The following RNF19B variants were observed in gnomAD, a reference collection of about 807,000 sequenced individuals.
RNF19B encodes the protein ring finger protein 19B.
A neutral mutation model predicts 65.5 loss-of-function variants in RNF19B; 23 were observed. The ratio of observed to expected loss-of-function variants is 0.35; its 90% confidence interval spans 0.25 to 0.50. The LOEUF (loss-of-function observed/expected upper bound fraction) is 0.50, where lower values mean the gene tolerates loss of function less well. RNF19B is among the 20% of genes least tolerant of loss of function. The probability of loss-of-function intolerance (pLI) is 0.98; values close to 1 mark genes in which losing one functional copy is unlikely to be tolerated. For missense variants in RNF19B, 794 were observed against 980.0 expected, an observed-to-expected ratio of 0.81 and a Z score of 2.53; for synonymous variants, 372 against 379.6, an observed-to-expected ratio of 0.98 and a Z score of 0.23.
chr1:32,936,881 ACTTGGGCTCGGTGCAC>A lies in RNF19B; in HGVS notation c.2105_2120del (p.Gly702ValfsTer4). On this transcript the variant is annotated frameshift_variant, in exon 9 of 9. Transcript: ENST00000235150. LOFTEE classifies it high-confidence loss of function. ...CTAGGGCAGAGAGGTTCATATGGGCACTTGGGCTCGGTGCACCTTGGGCTCTGGGGGTCGAGGGGCA... is the reference window on the plus strand; with the variant it reads ...CTAGGGCAGAGAGGTTCATATGGGCACTTGGGCTCTGGGGGTCGAGGGGCA... 6.2e-7 allele frequency: 1 copy of A among 1,613,120 alleles called. No individual in the cohort carries two copies. The highest frequency in any genetic ancestry group is 2.2e-5 in the East Asian group (1 of 44,832).
chr1:32,941,346 C>T (rs1365677832), intron 7 of RNF19B, among the ~76,000 whole-genome samples: 2 of 152,004 alleles, frequency 1.3e-5, no homozygotes, highest in Non-Finnish European at 2.9e-5. Context: ...AGCTTGAGAC[C>T]AGCCTGGCCA....
At chr1:32,938,760 T>G (rs1011704756) in intron 7 of RNF19B, among the ~76,000 whole-genome samples, 4 of 152,172 alleles carry the variant, frequency 2.6e-5, no homozygotes, top group African/African-American at 9.7e-5. Context: ...CAGGTTTTCA[T>G]CATCTCCTGC....
chr1:32,957,389 TATC>T (rs1642664390), intron 1 of RNF19B, among the ~76,000 whole-genome samples: 2 of 152,350 alleles, frequency 1.3e-5, no homozygotes, highest in Admixed American at 1.3e-4. Flanking sequence ...CTTTAGTATT[TATC>T]ATATGACATT....
At chr1:32,961,201 A>C (rs963142707) in intron 1 of RNF19B, among the ~76,000 whole-genome samples, 1 of 152,204 alleles carries the variant, frequency 6.6e-6, no homozygotes, top group African/African-American at 2.4e-5. Context: ...AGATAAGAAA[A>C]ATAACGTAGG....
At chr1:32,962,887 A>G (rs1223375326) in intron 1 of RNF19B, among the ~76,000 whole-genome samples, 1 of 152,208 alleles carries the variant, frequency 6.6e-6, no homozygotes, top group East Asian at 1.9e-4. Context: ...AGTAACAATT[A>G]GACTTCTAAA....
chr1:32,949,444 A>G (rs1428253888), intron 2 of RNF19B, 125 bp downstream of exon 2: 3 of 700,724 alleles, frequency 4.3e-6, no homozygotes, highest in South Asian at 1.8e-5. Context: ...GTATTATCAA[A>G]TGATATTTTC....
downstream of RNF19B, among the ~76,000 whole-genome samples, chr1:32,935,685 G>C (rs909478209): frequency 6.6e-6 from 1 of 152,092 alleles, no homozygotes; most frequent in East Asian, 1.9e-4. Context: ...GTGATTATGC[G>C]CATCAGTGTA....
intron 2 of RNF19B, among the ~76,000 whole-genome samples, chr1:32,949,333 T>C (rs1021687072): frequency 6.6e-6 from 1 of 152,224 alleles, no homozygotes; most frequent in East Asian, 1.9e-4. Flanking sequence ...ACTAAGAAAG[T>C]AGGAACTACA....
intron 1 of RNF19B, among the ~76,000 whole-genome samples, chr1:32,958,300 A>G (rs1642688255): frequency 6.6e-6 from 1 of 152,228 alleles, no homozygotes; most frequent in Non-Finnish European, 1.5e-5. Flanking sequence ...AACTTGTTTT[A>G]TTTTGTTTAA....
chr1:32,936,178 GCAAA>G (rs925375049), downstream of RNF19B, among the ~76,000 whole-genome samples: 17 of 152,278 alleles, frequency 1.1e-4, no homozygotes, highest in African/African-American at 3.9e-4. Flanking sequence ...CTTCTAGAGG[GCAAA>G]CAAAGTTAGT....
At position 32,946,573 on chromosome 1, in the gene RNF19B, G is replaced by C; in HGVS notation, c.984-9C>G. On this transcript the variant is annotated splice_polypyrimidine_tract_variant and intron_variant, in intron 3 of 8. Coordinates refer to ENST00000235150, the MANE Select transcript of RNF19B (RefSeq NM_001300826.2). ...ATGTACAGCCAGAGGGGCTGCAGGG[G>C]AAACAGACTGAAGTTAATGTCAACA... The C allele has an allele frequency of 6.2e-7, 1 of 1,611,532 alleles. No individual in the cohort carries two copies. Among genetic ancestry groups the C allele is most frequent in the South Asian group, 1.1e-5 (1 of 90,718 alleles).
chr1:32,951,890 A>G (rs1312943553), intron 1 of RNF19B, among the ~76,000 whole-genome samples: 31 of 151,000 alleles, frequency 2.1e-4, no homozygotes, highest in Admixed American at 2.0e-3. Flanking sequence ...CTTCTCCCAA[A>G]TTCAAGTGAT....
At chr1:32,934,407 G>A (rs536444875), downstream of RNF19B, among the ~76,000 whole-genome samples, 9 of 152,302 alleles carry the variant, frequency 5.9e-5, no homozygotes, top group African/African-American at 2.2e-4. Flanking sequence ...AGGGCCGGGC[G>A]AGGTGGCTCA....
Position 32,945,560 on chromosome 1 carries a change from C to T in RNF19B, c.1215G>A (p.Val405=), listed in dbSNP as rs1269385820. 1.3e-5 allele frequency: 21 copies of T among 1,613,988 alleles called. No homozygotes were observed. Among genetic ancestry groups the T allele is most frequent in the Non-Finnish European group, 1.8e-5 (21 of 1,179,878 alleles). The change falls in exon 5 of 9, where the codon GTG becomes GTA. Residue 405 remains valine (V), a synonymous_variant. Coordinates refer to ENST00000235150, the MANE Select transcript of RNF19B (RefSeq NM_001300826.2). Reference sequence around the variant, plus strand: ...CTGGGGATGCAATGACCGACAAAGTCACTCCTCCAGTGATAGCCAAATTCC... The same window carrying T: ...CTGGGGATGCAATGACCGACAAAGTTACTCCTCCAGTGATAGCCAAATTCC... The part of the protein sequence containing the change: ...HKRNLAITGG[V]TLSVIASPVI...
chr1:32,964,160 G>A lies in RNF19B; in HGVS notation c.526C>T (p.Arg176Cys), dbSNP rs1642841229. 1 of 1,544,716 alleles carries A rather than the reference G, an allele frequency of 6.5e-7. No homozygotes were observed. Among genetic ancestry groups the A allele is most frequent in the Non-Finnish European group, 8.7e-7 (1 of 1,144,622 alleles). ...CSERLNPHDI[R>C]LLLADPPLMH... ...AGCGGCGGGTCGGCGAGCAGCAAGC[G>A]GATGTCGTGCGGGTTGAGTCGCTCG... Residue 176 changes from arginine to cysteine, a missense_variant, in exon 1 of 9, where the codon CGC (arginine) becomes TGC (cysteine). Transcript: ENST00000235150. This position sits in a 1 kb window ranked among gnomAD's most constrained non-coding sequence, Gnocchi z 6.5.
At position 32,948,790 on chromosome 1, in the gene RNF19B, T is replaced by TCAACA. The variant is rs145384576; in HGVS notation, c.842-432_842-428dup. ...AGTTTGGGAAATTTATTTTTCAGGT[T>TCAACA]CAACATGTATCATTGTGATTTGCTG... is the stretch of plus-strand genomic sequence containing the variant. On this transcript the variant is annotated intron_variant, in intron 2 of 8. Transcript: ENST00000235150. Among the ~76,000 whole-genome samples, 1,025 of 152,350 alleles carry TCAACA rather than the reference T, an allele frequency of 6.7e-3. 10 individuals are homozygous for TCAACA. Among genetic ancestry groups the TCAACA allele is most frequent in the African/African-American group, 0.024 (978 of 41,582 alleles).
intron 1 of RNF19B, among the ~76,000 whole-genome samples, chr1:32,955,978 C>T (rs1373008214): frequency 6.6e-6 from 1 of 152,088 alleles, no homozygotes; most frequent in Non-Finnish European, 1.5e-5. Flanking sequence ...GCCCATAACC[C>T]CAGAACTTTG....
intron 1 of RNF19B, among the ~76,000 whole-genome samples, chr1:32,959,512 A>C (rs1642719945): frequency 6.6e-6 from 1 of 152,214 alleles, no homozygotes; most frequent in Non-Finnish European, 1.5e-5. Flanking sequence ...AATTATTAGC[A>C]ATGAAACACT....
downstream of RNF19B, among the ~76,000 whole-genome samples, chr1:32,932,885 C>T (rs1642043665): frequency 6.6e-6 from 1 of 151,700 alleles, no homozygotes; most frequent in Non-Finnish European, 1.5e-5. Context: ...GGATGCTCTA[C>T]CAAAGGGCCT....
Sources: allele counts gnomAD v4.1 joint callset (sites outside exome capture counted in the v4.1 genomes callset), GRCh38; gene constraint gnomAD v4.1.1; non-coding constraint Gnocchi (gnomAD v3.1); transcripts MANE v1.5; gene names NCBI Gene and HGNC (gene_info 2026-07-23, HGNC 2026-07-21).